SALL3: variants seen among roughly 807,000 people sequenced by gnomAD.
SALL3 encodes sal-like protein 3.
In SALL3, 25 loss-of-function variants were observed where a neutral mutation model predicts 66.2. The ratio of observed to expected loss-of-function variants is 0.38; its 90% CI spans 0.28 to 0.53. The LOEUF is 0.53. Among genes scored for constraint, SALL3 ranks in the 20% least tolerant of loss-of-function variants. The probability of loss-of-function intolerance (pLI) is 0.85; values close to 1 mark genes in which losing one functional copy is unlikely to be tolerated. For synonymous variants in SALL3, 1,152 were observed against 899.1 expected (o/e 1.28, Z -5.03); for missense variants, 2,194 against 1,916.5 (o/e 1.14, Z -2.70).
intron 1 of SALL3, among the ~76,000 whole-genome samples, chr18:78,990,346 C>T (rs1245362776): frequency 1.3e-5 from 2 of 152,216 alleles, no homozygotes; most frequent in African/African-American, 4.8e-5. Flanking sequence ...GCTCTAACTT[C>T]TTTCCCCTTC....
intron 1 of SALL3, among the ~76,000 whole-genome samples, chr18:78,988,147 A>G (rs950241302): frequency 1.3e-5 from 2 of 152,252 alleles, no homozygotes; most frequent in Admixed American, 1.3e-4. Context: ...CATACAGGCC[A>G]GTTCAAAATA....
rs1226658460 is a variant in SALL3 at position 78,993,720 on chromosome 18, G to A, written c.1729G>A (p.Val577Met). Residue 577 changes from valine to methionine, a missense_variant, in exon 2 of 3, where the codon GTG (valine) becomes ATG (methionine). By Grantham distance (21) the Val-to-Met change is conservative (BLOSUM62 1). Transcript: ENST00000537592. ...SPGLNHVESGVSATAESPQSL... is the reference protein window; with the variant it reads ...SPGLNHVESGMSATAESPQSL... ...AGGCCTCAACCACGTGGAGTCCGGC[G>A]TGTCGGCCACCGCCGAGTCCCCACA... 6.4e-7 allele frequency: 1 copy of A among 1,554,382 alleles called. No homozygotes were observed. The highest frequency in any genetic ancestry group is 8.6e-7 in the Non-Finnish European group (1 of 1,158,866).
chr18:78,981,394 G>C (rs1307862890), intron 1 of SALL3, among the ~76,000 whole-genome samples: 1 of 152,216 alleles, frequency 6.6e-6, no homozygotes, highest in Non-Finnish European at 1.5e-5. Flanking sequence ...AAAAAAACAG[G>C]CAGGCCAACT....
chr18:78,996,847 G>A (rs775797435), intron 2 of SALL3, 44 bp from the exon 3 acceptor site: 13 of 1,545,586 alleles, frequency 8.4e-6, no homozygotes, highest in South Asian at 1.2e-5. Context: ...CTCTGCCTCC[G>A]TGTCTAGGCA....
chr18:78,983,138 A>T (rs1202755624), intron 1 of SALL3, among the ~76,000 whole-genome samples: 1 of 152,198 alleles, frequency 6.6e-6, no homozygotes. Context: ...TTAAAAAAAA[A>T]AATTAAGTCA....
chr18:78,980,436 ATGCGCGCGTCCGGGAGCGGG>A, intron 1 of SALL3, 80 bp downstream of exon 1: 1 of 872,066 alleles, frequency 1.1e-6, no homozygotes. Flanking sequence ...GCGGGAGCGG[ATGCGCGCGTCCGGGAGCGGG>A]AGAAAGTTCC....
intron 1 of SALL3, among the ~76,000 whole-genome samples, chr18:78,981,980 G>C (rs1385386556): frequency 6.6e-6 from 1 of 152,188 alleles, no homozygotes; most frequent in Non-Finnish European, 1.5e-5. Flanking sequence ...GGCTTTCACA[G>C]CCGCCCCAAA....
intron 2 of SALL3, among the ~76,000 whole-genome samples, chr18:78,996,282 T>C (rs1914689728): frequency 2.0e-5 from 3 of 152,204 alleles, no homozygotes; most frequent in African/African-American, 7.2e-5. Flanking sequence ...CTGCTTTCTG[T>C]CGTCTGTGAA....
intron 2 of SALL3, 95 bp downstream of exon 2, chr18:78,995,557 G>A (rs1914662120): frequency 2.1e-6 from 3 of 1,458,228 alleles, no homozygotes; most frequent in South Asian, 2.9e-5. Context: ...CCGAGGTCCT[G>A]CTCCTATCCT....
chr18:78,992,527 C>T lies in SALL3; in HGVS notation c.536C>T (p.Ala179Val). Reference protein sequence around the residue: ...EALLSTKVAVAQFSQGARAAG... With the variant: ...EALLSTKVAVVQFSQGARAAG... ...CTGCTGAGCACCAAGGTGGCGGTGGCGCAGTTCTCGCAGGGCGCGCGCGCG... is the reference window on the plus strand; with the variant it reads ...CTGCTGAGCACCAAGGTGGCGGTGGTGCAGTTCTCGCAGGGCGCGCGCGCG... Residue 179 changes from alanine to valine, a missense_variant, in exon 2 of 3, where the codon GCG (alanine) becomes GTG (valine). Ala to Val is a moderately conservative substitution (Grantham distance 64). Coordinates refer to ENST00000537592, the MANE Select transcript of SALL3 (RefSeq NM_171999.4). 6.7e-7 allele frequency: 1 copy of T among 1,489,892 alleles called. No homozygotes were observed. Among genetic ancestry groups the T allele is most frequent in the South Asian group, 1.2e-5 (1 of 81,026 alleles). The allele number at this position is 1,489,892 out of a possible 1,614,324, so 92.3% of individuals were successfully genotyped here. A position where few individuals can be genotyped will look rare whatever the true frequency, so the allele number is the denominator to read the frequency against.
chr18:78,981,329 C>T (rs929929326), intron 1 of SALL3, among the ~76,000 whole-genome samples: 2 of 152,176 alleles, frequency 1.3e-5, no homozygotes, highest in East Asian at 1.9e-4. Flanking sequence ...CGAGGAGGGG[C>T]GACCCCACGA....
chr18:78,997,381 C>A lies in SALL3; in HGVS notation c.*59C>A. The A allele has an allele frequency of 6.6e-7, 1 of 1,520,908 alleles. No individual in the cohort carries two copies. The highest frequency in any genetic ancestry group is 9.0e-7 in the Non-Finnish European group (1 of 1,110,810). 94.2% of individuals were successfully genotyped at this position (1,520,908 alleles called of 1,614,324 possible). On this transcript the variant is annotated 3_prime_UTR_variant, in exon 3 of 3. Coordinates refer to ENST00000537592, the MANE Select transcript of SALL3 (RefSeq NM_171999.4). ...ACGTTTTGAAGTTGGAGCATCAGGCCTCCGACCTTTCTTGCCTCGGTTCTC... is the reference window on the plus strand; with the variant it reads ...ACGTTTTGAAGTTGGAGCATCAGGCATCCGACCTTTCTTGCCTCGGTTCTC...
At position 78,992,412 on chromosome 18, in the gene SALL3, G is replaced by A. The variant is rs933317887; in HGVS notation, c.421G>A (p.Asp141Asn). ...AEPMDAEPAG[D>N]TRAPRPPPAA... ...GCCCATGGACGCGGAACCCGCGGGG[G>A]ACACGCGCGCGCCCCGGCCCCCGCC... is the stretch of plus-strand genomic sequence containing the variant. The change falls in exon 2 of 3, where the codon GAC (aspartate) becomes AAC (asparagine). Residue 141 changes from aspartate to asparagine, a missense_variant. Transcript: ENST00000537592. 3.2e-5 allele frequency: 43 copies of A among 1,330,510 alleles called. No individual in the cohort carries two copies. In the Admixed American group the frequency reaches 3.5e-4, roughly 11 times the overall value. 82.4% of individuals were successfully genotyped at this position (1,330,510 alleles called of 1,614,324 possible).
chr18:78,993,092 C>T lies in SALL3; in HGVS notation c.1101C>T (p.Ser367=), dbSNP rs370895727. 9.7e-5 allele frequency: 155 copies of T among 1,599,794 alleles called. No homozygotes were observed. The highest frequency in any genetic ancestry group is 1.2e-4 in the Non-Finnish European group (142 of 1,176,860). The change falls in exon 2 of 3, where the codon TCC becomes TCT. Residue 367 remains serine (S), a synonymous_variant. Coordinates refer to ENST00000537592, the MANE Select transcript of SALL3 (RefSeq NM_171999.4). The part of the protein sequence containing the change: ...GLPSPLLPQT[S]ASGVIFPNPL... ...CAAGTCCGCTTCTACCTCAGACTTC[C>T]GCCAGCGGCGTCATCTTCCCCAACC...
chr18:78,989,483 G>A (rs1430566538), intron 1 of SALL3, among the ~76,000 whole-genome samples: 1 of 152,180 alleles, frequency 6.6e-6, no homozygotes, highest in Non-Finnish European at 1.5e-5. Flanking sequence ...GGTTATGTAA[G>A]TTAATTCTTT....
At position 78,996,988 on chromosome 18, in the gene SALL3, T is replaced by C. The variant is rs111936036; in HGVS notation, c.3569T>C (p.Leu1190Pro). 1.0e-3 allele frequency: 1,642 copies of C among 1,613,986 alleles called. 2 individuals carry two copies. Among genetic ancestry groups the C allele is most frequent in the Admixed American group, 1.2e-3 (71 of 60,004 alleles). ...ATGGCTCTCCTAGGGGGTGATGCCC[T>C]GAAGTTCTCTGAAATGTTCCAGAAG... is the stretch of plus-strand genomic sequence containing the variant. The part of the protein sequence containing the change: ...NPMALLGGDA[L>P]KFSEMFQKDL... The change falls in exon 3 of 3, where the codon CTG becomes CCG. Residue 1190 changes from leucine (L) to proline (P), a missense_variant. Leu to Pro is a moderately conservative substitution (Grantham distance 98). Transcript: ENST00000537592.
chr18:78,994,602 G>A lies in SALL3; in HGVS notation c.2611G>A (p.Glu871Lys), dbSNP rs1914613055. 1 of 1,610,114 alleles carries A rather than the reference G, an allele frequency of 6.2e-7. No individual in the cohort carries two copies. The highest frequency in any genetic ancestry group is 8.5e-7 in the Non-Finnish European group (1 of 1,178,206). The change falls in exon 2 of 3, where the codon GAG becomes AAG. Residue 871 changes from glutamate to lysine, a missense_variant. Coordinates refer to ENST00000537592, the MANE Select transcript of SALL3 (RefSeq NM_171999.4). ...GLKSVENGSG[E>K]SDRLSNDSSS... ...CAAGTCCGTGGAGAACGGGTCCGGG[G>A]AGAGTGACCGCCTGAGCAACGACTC...
rs115086710 is a variant in SALL3 at position 78,986,355 on chromosome 18, A to G, written c.83-5719A>G. Among the ~76,000 whole-genome samples the G allele has an allele frequency of 3.9e-3, 587 of 152,310 alleles. 5 individuals are homozygous for G. Among genetic ancestry groups the G allele is most frequent in the African/African-American group, 0.013 (555 of 41,564 alleles). On this transcript the variant is annotated intron_variant, in intron 1 of 2. Coordinates refer to ENST00000537592, the MANE Select transcript of SALL3 (RefSeq NM_171999.4). Reference sequence around the variant, plus strand: ...TCAGAGCCGCGTTGAGCATGGCAAGAGTGCCCTCCACTGTTCAGCGCTGTG... The same window carrying G: ...TCAGAGCCGCGTTGAGCATGGCAAGGGTGCCCTCCACTGTTCAGCGCTGTG...
chr18:78,982,039 G>C (rs1464196039), intron 1 of SALL3, among the ~76,000 whole-genome samples: 1 of 152,216 alleles, frequency 6.6e-6, no homozygotes, highest in Non-Finnish European at 1.5e-5. Flanking sequence ...GTATCAAAAT[G>C]TGCGATGTCT....
Sources: gnomAD v4.1 joint callset for allele counts (sites outside exome capture counted in the v4.1 genomes callset) on GRCh38, gnomAD v4.1.1 for gene constraint, MANE v1.5 for transcripts, NCBI Gene and HGNC (gene_info 2026-07-23, HGNC 2026-07-21) for gene names.